The following TUSC3 variants were observed in gnomAD, a reference collection of about 807,000 sequenced individuals.
TUSC3 encodes the protein tumor suppressor candidate 3, also known as dolichyl-diphosphooligosaccharide--protein glycosyltransferase subunit TUSC3.
Under a neutral mutation model 44.8 loss-of-function variants are expected in TUSC3, and 45 were observed. The ratio of observed to expected loss-of-function variants is 1.00; its 90% CI spans 0.79 to 1.29. TUSC3 has a LOEUF of 1.29. Among genes scored for constraint, TUSC3 ranks in the 50% most tolerant of loss-of-function variants. TUSC3 has a pLI of 0.00. For missense variants in TUSC3, 519 were observed against 437.9 expected, an observed-to-expected ratio of 1.19 and a Z score of -1.65; for synonymous variants, 212 against 152.9, an observed-to-expected ratio of 1.39 and a Z score of -2.85.
Position 15,748,395 on chromosome 8 carries a change from G to A in TUSC3, c.958G>A (p.Gly320Ser). Residue 320 changes from glycine (G) to serine (S), a missense_variant, in exon 9 of 11, where the codon GGC (glycine) becomes AGC (serine). Physicochemically the swap from Gly to Ser is moderately conservative, Grantham distance 56 (BLOSUM62 0). Transcript: ENST00000503731. ...TCTAGTAATTTGCCTAGTGGGATTGGGCCTGGTGGTCTTCTTCTTCAGTTT... is the reference window on the plus strand; with the variant it reads ...TCTAGTAATTTGCCTAGTGGGATTGAGCCTGGTGGTCTTCTTCTTCAGTTT... ...KRRIICLVGLGLVVFFFSFLL... is the reference protein window; with the variant it reads ...KRRIICLVGLSLVVFFFSFLL... 1 of 1,613,308 alleles carries A rather than the reference G, an allele frequency of 6.2e-7. No individual in the cohort carries two copies. Among genetic ancestry groups the A allele is most frequent in the Non-Finnish European group, 8.5e-7 (1 of 1,179,494 alleles).
the TUSC3 span, among the ~76,000 whole-genome samples, chr8:15,845,068 G>A: frequency 6.6e-6 from 1 of 152,146 alleles, no homozygotes; most frequent in Non-Finnish European, 1.5e-5. Flanking sequence ...ATCTCTTTTA[G>A]TTCAAGCCTA....
the TUSC3 span, among the ~76,000 whole-genome samples, chr8:15,815,452 T>C: frequency 6.6e-6 from 1 of 152,142 alleles, no homozygotes; most frequent in African/African-American, 2.4e-5. Flanking sequence ...TGTGCTTTCA[T>C]TGAATACAGG....
At chr8:15,804,402 T>G in the TUSC3 span, among the ~76,000 whole-genome samples, 1 of 152,194 alleles carries the variant, frequency 6.6e-6, no homozygotes. Flanking sequence ...AATTATTTCT[T>G]AAGGCTGATG....
intron 6 of TUSC3, among the ~76,000 whole-genome samples, chr8:15,707,736 G>A (rs765787569): frequency 1.3e-5 from 2 of 151,948 alleles, no homozygotes; most frequent in Admixed American, 6.6e-5. Context: ...ATCCCTGGGT[G>A]TGTGAATTTT....
At chr8:15,465,953 T>G (rs920882347) in intron 1 of TUSC3, among the ~76,000 whole-genome samples, 5 of 152,180 alleles carry the variant, frequency 3.3e-5, no homozygotes, top group African/African-American at 1.2e-4. Flanking sequence ...AACATTGAAA[T>G]TAATTTAATC....
rs541368530 is a variant in TUSC3 at position 15,561,863 on chromosome 8, T to C, written c.138+21295T>C. ...AGGCAATGCCTCGCCCTGTTTCGGCTGGCGCACGGTGTGCGCACCCACTCT... is the reference window on the plus strand; with the variant it reads ...AGGCAATGCCTCGCCCTGTTTCGGCCGGCGCACGGTGTGCGCACCCACTCT... On this transcript the variant is annotated intron_variant, in intron 1 of 10. Coordinates refer to ENST00000503731, the MANE Select transcript of TUSC3 (RefSeq NM_006765.4). 1.3e-3 allele frequency among the ~76,000 whole-genome samples: 195 copies of C among 152,248 alleles called. 1 individual carries two copies. The highest frequency in any genetic ancestry group is 2.2e-3 in the Non-Finnish European group (150 of 68,020).
intron 1 of TUSC3, among the ~76,000 whole-genome samples, chr8:15,481,803 C>G (rs1800665304): frequency 6.6e-6 from 1 of 152,142 alleles, no homozygotes; most frequent in Non-Finnish European, 1.5e-5. Flanking sequence ...GGCGGAGGGT[C>G]TGGCCTTGAT....
chr8:15,792,125 C>G, the TUSC3 span, among the ~76,000 whole-genome samples: 3 of 150,696 alleles, frequency 2.0e-5, no homozygotes, highest in Non-Finnish European at 4.4e-5. Flanking sequence ...CTCTAACACA[C>G]ACACACACAC....
At chr8:15,558,553 A>C (rs201099609) in intron 1 of TUSC3, among the ~76,000 whole-genome samples, 4,141 of 63,234 alleles carry the variant, frequency 0.065, 204 homozygotes, top group Middle Eastern at 0.12. Context: ...CTCTTTTTCT[A>C]TTGATTGGAA....
rs115551611 is a variant in TUSC3, at chr8:15,756,869, C to T, written c.1029-922C>T. ...TCTAAAGCTAACTATCATGGCTGGG[C>T]GTGGTACCTCAGGCCTCACGCCTAG... On this transcript the variant is annotated intron_variant, in intron 9 of 10. Transcript: ENST00000503731. Among the ~76,000 whole-genome samples, 1,078 of 152,224 alleles carry T rather than the reference C, an allele frequency of 7.1e-3. 19 individuals carry two copies. The highest frequency in any genetic ancestry group is 0.025 in the African/African-American group (1,032 of 41,544).
At chr8:15,542,077 G>T (rs1050894498) in intron 1 of TUSC3, among the ~76,000 whole-genome samples, 1 of 151,718 alleles carries the variant, frequency 6.6e-6, no homozygotes, top group Non-Finnish European at 1.5e-5. Flanking sequence ...TGCCCAAGGT[G>T]GTCAGGGTAC....
intron 6 of TUSC3, among the ~76,000 whole-genome samples, chr8:15,696,853 T>G (rs1024944032): frequency 1.3e-5 from 2 of 152,216 alleles, no homozygotes; most frequent in Non-Finnish European, 2.9e-5. Context: ...TGTGGTATAG[T>G]GTCAGTAGAA....
intron 1 of TUSC3, among the ~76,000 whole-genome samples, chr8:15,465,865 A>C (rs538767644): frequency 6.6e-6 from 1 of 152,146 alleles, no homozygotes; most frequent in Non-Finnish European, 1.5e-5. Flanking sequence ...GGTGTCTTCA[A>C]AGTCAACAGG....
chr8:15,749,565 GTAAATTTT>G (rs1352253984), intron 9 of TUSC3, among the ~76,000 whole-genome samples: 1 of 151,848 alleles, frequency 6.6e-6, no homozygotes, highest in Non-Finnish European at 1.5e-5. Flanking sequence ...TGCCTGCAGT[GTAAATTTT>G]TAAAAATATC....
rs558029305 is a variant in TUSC3 at position 15,428,714 on chromosome 8, T to C, written n.91+11409T>C. On this transcript the variant is annotated intron_variant and non_coding_transcript_variant, in intron 1 of 5. Transcript: ENST00000503191. Reference sequence around the variant, plus strand: ...GTGGTTTTGATTTGCATTTCTGTGATGGCCAGTGATGATGAGCATTTTTTC... The same window carrying C: ...GTGGTTTTGATTTGCATTTCTGTGACGGCCAGTGATGATGAGCATTTTTTC... 5.4e-4 allele frequency among the ~76,000 whole-genome samples: 82 copies of C among 152,348 alleles called. No homozygotes were observed. The South Asian group carries it at 0.016, about 29-fold the overall frequency.
chr8:15,513,608 G>A (rs1486600995), intron 2 of TUSC3, among the ~76,000 whole-genome samples: 1 of 152,176 alleles, frequency 6.6e-6, no homozygotes, highest in Non-Finnish European at 1.5e-5. Flanking sequence ...AGTGACGGTA[G>A]ATTTAATGGT....
intron 3 of TUSC3, among the ~76,000 whole-genome samples, chr8:15,654,866 C>G (rs1188783278): frequency 1.3e-5 from 2 of 152,072 alleles, no homozygotes; most frequent in Non-Finnish European, 2.9e-5. Context: ...TTATGATATC[C>G]TGGTAATGAA....
At position 15,423,969 on chromosome 8, in the gene TUSC3, GTTTTTTTT is replaced by G. The variant is rs112397215; in HGVS notation, n.91+6695_91+6702del. 2.8e-3 allele frequency among the ~76,000 whole-genome samples: 195 copies of G among 70,244 alleles called. 8 individuals are homozygous for G. Among genetic ancestry groups the G allele is most frequent in the African/African-American group, 3.6e-3 (88 of 24,452 alleles). The allele number at this position is 70,244 out of a possible 152,430, so 46.1% of individuals were successfully genotyped here. A position where few individuals can be genotyped will look rare whatever the true frequency, so the allele number is the denominator to read the frequency against. On this transcript the variant is annotated intron_variant and non_coding_transcript_variant, in intron 1 of 5. Coordinates refer to the TUSC3 transcript ENST00000503191. ...TACAGCATTCATACTGTTTTGCTTTGTTTTTTTTTTTTTTTTTTTTTTTTTTTTTTTTT... is the reference window on the plus strand; with the variant it reads ...TACAGCATTCATACTGTTTTGCTTTGTTTTTTTTTTTTTTTTTTTTTTTTT...
chr8:15,551,617 T>C (rs1168705493), intron 1 of TUSC3, among the ~76,000 whole-genome samples: 2 of 151,798 alleles, frequency 1.3e-5, no homozygotes, highest in Non-Finnish European at 1.5e-5. Flanking sequence ...AAGCTACTTT[T>C]GTTCATTGCT....
Sources: gnomAD v4.1 joint callset for allele counts (sites outside exome capture counted in the v4.1 genomes callset) on GRCh38, gnomAD v4.1.1 for gene constraint, MANE v1.5 for transcripts, NCBI Gene and HGNC (gene_info 2026-07-23, HGNC 2026-07-21) for gene names.